Variants in CADPS2 observed in about 807,000 individuals in gnomAD.
CADPS2 encodes calcium dependent secretion activator 2.
A neutral mutation model predicts 172.5 loss-of-function variants in CADPS2; 93 were observed. The ratio of observed to expected loss-of-function variants is 0.54; its 90% CI spans 0.46 to 0.64. The LOEUF is 0.64. CADPS2 is among the 30% of genes least tolerant of loss of function. The probability of loss-of-function intolerance (pLI) is 0.00; values close to 1 mark genes in which losing one functional copy is unlikely to be tolerated. For missense variants in CADPS2, 1,420 were observed against 1,565.9 expected, an observed-to-expected ratio of 0.91 and a Z score of 1.57; for synonymous variants, 546 against 555.2, an observed-to-expected ratio of 0.98 and a Z score of 0.23.
At chr7:122,547,829 T>C (rs1377493560) in intron 8 of CADPS2, among the ~76,000 whole-genome samples, 1 of 152,158 alleles carries the variant, frequency 6.6e-6, no homozygotes, top group Admixed American at 6.6e-5. Flanking sequence ...AGACAGCACC[T>C]GATAAGAGAC....
intron 3 of CADPS2, among the ~76,000 whole-genome samples, chr7:122,653,533 CA>C (rs1487505327): frequency 6.6e-6 from 1 of 152,086 alleles, no homozygotes; most frequent in Non-Finnish European, 1.5e-5. Context: ...TGGAATATAA[CA>C]AAAGAAAAAA....
At chr7:122,597,196 A>C (rs1250358503) in intron 6 of CADPS2, among the ~76,000 whole-genome samples, 1 of 152,140 alleles carries the variant, frequency 6.6e-6, no homozygotes, top group East Asian at 1.9e-4. Context: ...TCAAATATCC[A>C]AACTATCATC....
At chr7:122,562,590 T>C (rs893899323) in intron 7 of CADPS2, among the ~76,000 whole-genome samples, 9 of 152,126 alleles carry the variant, frequency 5.9e-5, no homozygotes, top group Non-Finnish European at 1.0e-4. Context: ...AGTCACTAAG[T>C]TTTTGGTAAA....
chr7:122,514,374 T>A (rs2060204549), intron 8 of CADPS2, among the ~76,000 whole-genome samples: 1 of 146,918 alleles, frequency 6.8e-6, no homozygotes, highest in Non-Finnish European at 1.5e-5. Flanking sequence ...GGCTTAAGAT[T>A]TTTAGACTTT....
In CADPS2 at chr7:122,820,708, C is replaced by T. The variant is rs1457180519; in HGVS notation, c.339+65291G>A. ...CCGAGTAGCTGGGACTACAGGCGCC[C>T]GCTACCACGCCCGGCTAATTTTTTG... On this transcript the variant is annotated intron_variant, in intron 1 of 29. Coordinates refer to ENST00000449022, the MANE Select transcript of CADPS2 (RefSeq NM_017954.11). Among the ~76,000 whole-genome samples the T allele has an allele frequency of 3.0e-5, 4 of 133,544 alleles. 1 individual carries two copies. The highest frequency in any genetic ancestry group is 8.6e-5 in the African/African-American group (3 of 34,728). The allele number at this position is 133,544 out of a possible 152,430, so 87.6% of individuals were successfully genotyped here. A position where few individuals can be genotyped will look rare whatever the true frequency, so the allele number is the denominator to read the frequency against.
chr7:122,501,874 C>CAAAAAAAAAAA (rs1173009562), intron 9 of CADPS2, among the ~76,000 whole-genome samples: 4 of 42,188 alleles, frequency 9.5e-5, no homozygotes, highest in Admixed American at 2.7e-4. Flanking sequence ...GACTCCGTCT[C>CAAAAAAAAAAA]AAAAAAAAAA....
chr7:122,707,956 T>G (rs1027124338), intron 2 of CADPS2, among the ~76,000 whole-genome samples: 2 of 151,690 alleles, frequency 1.3e-5, no homozygotes, highest in African/African-American at 4.8e-5. Context: ...ATATATATAT[T>G]TTAAGTAAAT....
At chr7:122,719,393 T>C (rs950950245) in intron 2 of CADPS2, among the ~76,000 whole-genome samples, 1 of 110,962 alleles carries the variant, frequency 9.0e-6, no homozygotes, top group Non-Finnish European at 2.1e-5. Context: ...ACTATCCCCC[T>C]ATCCTTCTGT....
chr7:122,527,733 C>T (rs919636255), intron 8 of CADPS2, among the ~76,000 whole-genome samples: 1 of 150,940 alleles, frequency 6.6e-6, no homozygotes, highest in Non-Finnish European at 1.5e-5. Context: ...ACAGATAGTG[C>T]TAAGAGGACA....
At chr7:122,375,675 G>T (rs2042253526) in intron 25 of CADPS2, among the ~76,000 whole-genome samples, 1 of 152,010 alleles carries the variant, frequency 6.6e-6, no homozygotes, top group Non-Finnish European at 1.5e-5. Context: ...ATAAAACATA[G>T]GGAAAAAGTT....
intron 1 of CADPS2, among the ~76,000 whole-genome samples, chr7:122,759,342 G>A (rs2093294185): frequency 6.6e-6 from 1 of 152,158 alleles, no homozygotes; most frequent in Non-Finnish European, 1.5e-5. Context: ...CCAGCAAAAG[G>A]CAGAGTTAAA....
intron 1 of CADPS2, among the ~76,000 whole-genome samples, chr7:122,834,372 G>A (rs1214608376): frequency 2.0e-5 from 3 of 152,130 alleles, no homozygotes; most frequent in Non-Finnish European, 1.5e-5. Context: ...TGAGCGACAC[G>A]GGTAATTTCT....
intron 2 of CADPS2, among the ~76,000 whole-genome samples, chr7:122,680,751 C>T (rs2082933467): frequency 1.3e-5 from 2 of 152,176 alleles, no homozygotes; most frequent in South Asian, 4.2e-4. Context: ...ACTAGAAATA[C>T]CATTTGACCC....
At chr7:122,815,236 G>A (rs921500356) in intron 1 of CADPS2, among the ~76,000 whole-genome samples, 1 of 152,128 alleles carries the variant, frequency 6.6e-6, no homozygotes, top group African/African-American at 2.4e-5. Flanking sequence ...TAGTTAAACT[G>A]TTAAGTCAGT....
chr7:122,632,621 A>T (rs749113468), intron 3 of CADPS2, among the ~76,000 whole-genome samples: 53 of 152,272 alleles, frequency 3.5e-4, no homozygotes, highest in Non-Finnish European at 5.9e-4. Flanking sequence ...ATAGTTTGCA[A>T]ATATTTTCTC....
chr7:122,393,405 G>C, intron 21 of CADPS2, 36 bp downstream of exon 21: 1 of 1,613,116 alleles, frequency 6.2e-7, no homozygotes, highest in Non-Finnish European at 8.5e-7. Context: ...GGGTTGAAGA[G>C]GCAGGTGCTC....
chr7:122,732,942 A>G (rs2091828916), intron 2 of CADPS2, among the ~76,000 whole-genome samples: 1 of 139,394 alleles, frequency 7.2e-6, no homozygotes, highest in Non-Finnish European at 1.6e-5. Flanking sequence ...TTATATACAG[A>G]TTCAGAAATG....
chr7:122,370,068 C>A (rs911327549), intron 25 of CADPS2, among the ~76,000 whole-genome samples: 2 of 152,134 alleles, frequency 1.3e-5, no homozygotes, highest in Admixed American at 6.5e-5. Flanking sequence ...CTTAAATGGT[C>A]CTTTCATCTC....
intron 4 of CADPS2, among the ~76,000 whole-genome samples, chr7:122,628,837 T>G (rs1186568069): frequency 3.3e-5 from 5 of 150,454 alleles, no homozygotes; most frequent in Admixed American, 2.0e-4. Context: ...AATTAAATGT[T>G]AGTCAGAACC....
Sources: allele counts gnomAD v4.1 joint callset (sites outside exome capture counted in the v4.1 genomes callset), GRCh38; gene constraint gnomAD v4.1.1; transcripts MANE v1.5; gene names NCBI Gene and HGNC (gene_info 2026-07-23, HGNC 2026-07-21).